XKR6: variants seen among roughly 807,000 people sequenced by gnomAD.
XKR6 encodes the protein XK related 6.
XKR6 carries 22 observed loss-of-function variants against 56.7 expected under a neutral mutation model. The ratio of observed to expected loss-of-function variants is 0.39; its 90% CI spans 0.28 to 0.55. The LOEUF (loss-of-function observed/expected upper bound fraction) is 0.55, where lower values mean the gene tolerates loss of function less well. XKR6 is among the 20% of genes least tolerant of loss of function. XKR6 has a pLI of 0.66. For missense variants in XKR6, 852 were observed against 889.0 expected, an observed-to-expected ratio of 0.96 and a Z score of 0.53; for synonymous variants, 524 against 387.8, an observed-to-expected ratio of 1.35 and a Z score of -4.13.
At chr8:11,133,739 A>T (rs1800235744) in intron 1 of XKR6, among the ~76,000 whole-genome samples, 1 of 152,070 alleles carries the variant, frequency 6.6e-6, no homozygotes, top group Admixed American at 6.5e-5. Flanking sequence ...CAATAGCCTG[A>T]TTCCTTTTAA....
chr8:11,036,126 T>C (rs1799137177), intron 1 of XKR6, among the ~76,000 whole-genome samples: 1 of 151,662 alleles, frequency 6.6e-6, no homozygotes, highest in African/African-American at 2.4e-5. Context: ...TTTCTTAGTT[T>C]TTGTAGAGAT....
intron 2 of XKR6, among the ~76,000 whole-genome samples, chr8:10,908,070 G>A (rs1004613434): frequency 6.6e-6 from 1 of 152,220 alleles, no homozygotes; most frequent in African/African-American, 2.4e-5. Flanking sequence ...GTGGGAGGAT[G>A]TACACGCCCA....
chr8:11,167,733 C>T (rs1308673453), intron 1 of XKR6, among the ~76,000 whole-genome samples: 1 of 151,962 alleles, frequency 6.6e-6, no homozygotes, highest in South Asian at 2.1e-4. Context: ...TGAAGGAGGG[C>T]CCCAGCAAAG....
At chr8:10,934,871 G>A (rs1204827521) in intron 1 of XKR6, among the ~76,000 whole-genome samples, 1 of 142,870 alleles carries the variant, frequency 7.0e-6, no homozygotes, top group Admixed American at 6.9e-5. Flanking sequence ...TTTTTTCGTT[G>A]TGTCTCTGCC....
intron 1 of XKR6, among the ~76,000 whole-genome samples, chr8:11,144,188 T>A (rs1208471212): frequency 6.6e-6 from 1 of 151,364 alleles, no homozygotes; most frequent in Non-Finnish European, 1.5e-5. Context: ...AAACGCTGTA[T>A]ATATTTATTT....
At chr8:11,108,367 A>G (rs1798758238) in intron 1 of XKR6, 1 of 456,106 alleles carries the variant, frequency 2.2e-6, no homozygotes, top group Admixed American at 2.3e-5. Flanking sequence ...TGAAGTACAC[A>G]TGTTACGCTG....
At chr8:10,974,295 G>C (rs879305866) in intron 1 of XKR6, among the ~76,000 whole-genome samples, 1 of 152,228 alleles carries the variant, frequency 6.6e-6, no homozygotes, top group Non-Finnish European at 1.5e-5. Flanking sequence ...CTGCACCTGA[G>C]AGGGCCTGTG....
At chr8:11,186,398 C>G (rs1167411350) in intron 1 of XKR6, among the ~76,000 whole-genome samples, 3 of 152,074 alleles carry the variant, frequency 2.0e-5, no homozygotes, top group Admixed American at 6.5e-5. Flanking sequence ...CTTTGAGAGA[C>G]AGAGAGAGAG....
At chr8:10,986,405 G>A (rs541267097) in intron 1 of XKR6, among the ~76,000 whole-genome samples, 1 of 152,012 alleles carries the variant, frequency 6.6e-6, no homozygotes, top group Non-Finnish European at 1.5e-5. Flanking sequence ...AGAATAAAAG[G>A]ATCTACAAAT....
intron 1 of XKR6, among the ~76,000 whole-genome samples, chr8:11,037,042 A>T (rs919855119): frequency 1.3e-5 from 2 of 152,166 alleles, no homozygotes; most frequent in African/African-American, 2.4e-5. Flanking sequence ...ATTTATTATG[A>T]TCCTACTTAT....
chr8:10,904,065 G>A (rs896441651), intron 2 of XKR6, among the ~76,000 whole-genome samples: 2 of 152,168 alleles, frequency 1.3e-5, no homozygotes, highest in African/African-American at 4.8e-5. Flanking sequence ...AGCCTCCACG[G>A]TTCCCTTCCG....
At chr8:11,091,187 T>A (rs1418856217) in intron 1 of XKR6, among the ~76,000 whole-genome samples, 1 of 152,102 alleles carries the variant, frequency 6.6e-6, no homozygotes, top group East Asian at 1.9e-4. Context: ...TCCCAGCACT[T>A]GGGAGAGACA....
At chr8:11,127,745 G>C (rs1229214772) in intron 1 of XKR6, among the ~76,000 whole-genome samples, 1 of 152,126 alleles carries the variant, frequency 6.6e-6, no homozygotes, top group Non-Finnish European at 1.5e-5. Context: ...CCTCTGTAAA[G>C]TCTCCTTTAC....
intron 1 of XKR6, chr8:11,105,067 G>C (rs1428793548): frequency 1.3e-5 from 2 of 152,112 alleles, no homozygotes; most frequent in African/African-American, 2.4e-5. Context: ...TTCCCAGACT[G>C]TTCTTGGACA....
rs369401842 is a variant in XKR6 at position 11,117,647 on chromosome 8, C to T, written c.764+82929G>A. 3.7e-4 allele frequency among the ~76,000 whole-genome samples: 56 copies of T among 152,092 alleles called. No homozygotes were observed. In the South Asian group the frequency reaches 0.011, roughly 30 times the overall value. On this transcript the variant is annotated intron_variant, in intron 1 of 2. Transcript: ENST00000416569. ...AATATGGCTGAAATTTTTAAAAGTACATTTTAAGGCACATGAAGAACTTTA... is the reference window on the plus strand; with the variant it reads ...AATATGGCTGAAATTTTTAAAAGTATATTTTAAGGCACATGAAGAACTTTA...
chr8:10,980,224 C>T (rs1039595273), intron 1 of XKR6, among the ~76,000 whole-genome samples: 3 of 152,102 alleles, frequency 2.0e-5, no homozygotes, highest in African/African-American at 7.2e-5. Context: ...GCAGGAAGGC[C>T]AGGTTCTGGA....
intron 1 of XKR6, among the ~76,000 whole-genome samples, chr8:11,189,223 G>A (rs144625216): frequency 8.1e-4 from 124 of 152,170 alleles, no homozygotes; most frequent in African/African-American, 2.8e-3. Context: ...AAAATTCACT[G>A]GATTGAAATA....
At chr8:10,977,174 G>T (rs1215873295) in intron 1 of XKR6, among the ~76,000 whole-genome samples, 1 of 152,132 alleles carries the variant, frequency 6.6e-6, no homozygotes, top group Non-Finnish European at 1.5e-5. Flanking sequence ...CCCAGGTTGG[G>T]GTGCACTGCA....
At chr8:11,121,648 C>T (rs369806931) in intron 1 of XKR6, among the ~76,000 whole-genome samples, 11 of 152,290 alleles carry the variant, frequency 7.2e-5, no homozygotes, top group South Asian at 2.1e-4. Context: ...GGATCTAGAA[C>T]GGGAAACACC....
Sources: allele counts gnomAD v4.1 joint callset (sites outside exome capture counted in the v4.1 genomes callset), GRCh38; gene constraint gnomAD v4.1.1; transcripts MANE v1.5; gene names NCBI Gene and HGNC (gene_info 2026-07-23, HGNC 2026-07-21).